Variants in DNAH9 observed in about 807,000 individuals in gnomAD.
DNAH9 encodes the protein DNAH9 variant protein.
DNAH9 carries 345 observed loss-of-function variants against 471.6 expected under a neutral mutation model. That is an observed-to-expected ratio of 0.73 (90% CI 0.67 to 0.80). The LOEUF (loss-of-function observed/expected upper bound fraction) is 0.80. Ranked by LOEUF, DNAH9 falls within the 30% of genes least tolerant of loss-of-function variation. The pLI, the probability that DNAH9 is intolerant of heterozygous loss-of-function variation, is 0.00. For missense variants in DNAH9, 5,407 were observed against 5,609.2 expected, an observed-to-expected ratio of 0.96 and a Z score of 1.15; for synonymous variants, 2,093 against 2,123.6, an observed-to-expected ratio of 0.99 and a Z score of 0.40.
intron 27 of DNAH9, among the ~76,000 whole-genome samples, chr17:11,726,940 C>T (rs1223832803): frequency 1.3e-5 from 2 of 149,150 alleles, no homozygotes; most frequent in African/African-American, 4.9e-5. Flanking sequence ...CGCAGCTACT[C>T]GGGAGGCTGA....
rs751529956 is a variant in DNAH9, at chr17:11,961,920, C to T, written c.12897C>T (p.Phe4299=). The change falls in exon 68 of 69, where the codon TTC becomes TTT. Residue 4299 remains phenylalanine, a synonymous_variant. Coordinates refer to ENST00000262442, the MANE Select transcript of DNAH9 (RefSeq NM_001372.4). ...AGAACTTACAGAATGCCCTGTACTT[C>T]GATATGGTGCCAGAGTCCTGGGCTA... ...HMENLQNALY[F]DMVPESWARR... is the part of the protein sequence containing the mutation. 6.2e-7 allele frequency: 1 copy of T among 1,613,992 alleles called. No homozygotes were observed. The highest frequency in any genetic ancestry group is 8.5e-7 in the Non-Finnish European group (1 of 1,179,978).
chr17:11,786,623 T>C (rs1968879132), intron 41 of DNAH9, among the ~76,000 whole-genome samples: 1 of 152,144 alleles, frequency 6.6e-6, no homozygotes. Flanking sequence ...GACAAATCAG[T>C]CTCTTGAGCG....
At chr17:11,621,281 G>A (rs577645228) in intron 6 of DNAH9, among the ~76,000 whole-genome samples, 8 of 151,810 alleles carry the variant, frequency 5.3e-5, no homozygotes, top group South Asian at 4.2e-4. Context: ...GGTGGCGGGC[G>A]CCTGTAGTCC....
chr17:11,718,223 T>C (rs1485303403), intron 26 of DNAH9, among the ~76,000 whole-genome samples: 1 of 152,260 alleles, frequency 6.6e-6, no homozygotes, highest in African/African-American at 2.4e-5. Flanking sequence ...CTTAGCATAA[T>C]GTTTTTGAGG....
At chr17:11,895,459 T>C (rs1047688116) in intron 59 of DNAH9, among the ~76,000 whole-genome samples, 1 of 152,246 alleles carries the variant, frequency 6.6e-6, no homozygotes, top group Non-Finnish European at 1.5e-5. Context: ...ATGATTGGCT[T>C]TCTTTCTCCT....
At chr17:11,718,992 C>T (rs1056918009) in intron 26 of DNAH9, among the ~76,000 whole-genome samples, 1 of 152,124 alleles carries the variant, frequency 6.6e-6, no homozygotes, top group Non-Finnish European at 1.5e-5. Flanking sequence ...CAGGGACAAG[C>T]TCAGTCCTAG....
intron 11 of DNAH9, among the ~76,000 whole-genome samples, chr17:11,645,467 G>A (rs775287754): frequency 1.3e-5 from 2 of 152,130 alleles, no homozygotes; most frequent in Non-Finnish European, 2.9e-5. Flanking sequence ...GCTGCCTCCA[G>A]ATCTGTTCCC....
chr17:11,703,410 T>C (rs1311657541), intron 24 of DNAH9, among the ~76,000 whole-genome samples: 1 of 152,186 alleles, frequency 6.6e-6, no homozygotes, highest in African/African-American at 2.4e-5. Flanking sequence ...TGTTTACCTG[T>C]ATCAGAATTT....
rs148198840 is a variant in DNAH9 at position 11,800,877 on chromosome 17, A to G, written c.8420+3084A>G. On this transcript the variant is annotated intron_variant, in intron 43 of 68. Coordinates refer to ENST00000262442, the MANE Select transcript of DNAH9 (RefSeq NM_001372.4). ...GTGTGGAACCTAGCAGGTGCTCAGT[A>G]AAACTGCTTAGCATGTTATATGAGA... is the stretch of plus-strand genomic sequence containing the variant. Among the ~76,000 whole-genome samples, 3 of 152,308 alleles carry G rather than the reference A, an allele frequency of 2.0e-5. No individual in the cohort carries two copies. The East Asian group carries it at 5.8e-4, about 29-fold the overall frequency.
rs1974559574 is a variant in DNAH9 at position 11,932,679 on chromosome 17, C to T, written c.12297+474C>T. 6.6e-6 allele frequency among the ~76,000 whole-genome samples: 1 copy of T among 152,166 alleles called. No homozygotes were observed. On this transcript the variant is annotated intron_variant, in intron 64 of 68. Coordinates refer to ENST00000262442, the MANE Select transcript of DNAH9 (RefSeq NM_001372.4). The surrounding 1 kb of genome is among the most constrained non-coding windows in gnomAD (Gnocchi z 4.3). ...GAGGCAGTGCCAACCCCAGGACTAA[C>T]CCAAAGGCTGAGAATAGTACAACTG... is the stretch of plus-strand genomic sequence containing the variant.
intron 53 of DNAH9, among the ~76,000 whole-genome samples, chr17:11,876,006 T>C (rs527378627): frequency 1.3e-5 from 2 of 152,128 alleles, no homozygotes; most frequent in Admixed American, 6.5e-5. Flanking sequence ...TCCACACAGT[T>C]AATAAGGTTA....
At position 11,762,992 on chromosome 17, in the gene DNAH9, A is replaced by G. The variant is rs530053691; in HGVS notation, c.6996-448A>G. Among the ~76,000 whole-genome samples, 12 of 151,546 alleles carry G rather than the reference A, an allele frequency of 7.9e-5. No homozygotes were observed. The East Asian group carries it at 1.9e-3, about 25-fold the overall frequency. On this transcript the variant is annotated intron_variant, in intron 35 of 68. Transcript: ENST00000262442. The stretch of plus-strand genomic sequence containing the variant: ...GACGGGGTTTCACCATGTTAGCCAG[A>G]ATGGTCTCGATCTCCTGACCTCGTG...
intron 8 of DNAH9, among the ~76,000 whole-genome samples, chr17:11,633,239 T>G (rs2073101706): frequency 6.6e-6 from 1 of 152,178 alleles, no homozygotes; most frequent in South Asian, 2.1e-4. Context: ...TCGTGAGACA[T>G]GAAGACTCAG....
At chr17:11,950,392 A>C (rs1320388012) in intron 67 of DNAH9, among the ~76,000 whole-genome samples, 1 of 152,182 alleles carries the variant, frequency 6.6e-6, no homozygotes. Context: ...GATATATTTT[A>C]AACTTTTTTG....
At position 11,866,659 on chromosome 17, in the gene DNAH9, G is replaced by A. The variant is rs528147809; in HGVS notation, c.9934-2475G>A. Among the ~76,000 whole-genome samples the A allele has an allele frequency of 2.8e-3, 432 of 152,362 alleles. 11 individuals are homozygous for A. The highest frequency in any genetic ancestry group is 0.022 in the Admixed American group (341 of 15,306). ...AGAGGCAGGCAGGCCTCCTTGAGCT[G>A]TGGTGGGCTCCACCCAGTTGGAGCT... On this transcript the variant is annotated intron_variant, in intron 50 of 68. Transcript: ENST00000262442.
At chr17:11,640,124 C>T in intron 9 of DNAH9, 146 bp from the exon 10 acceptor site, 1 of 622,740 alleles carries the variant, frequency 1.6e-6, no homozygotes, top group Non-Finnish European at 2.8e-6. Context: ...TTTAACAGAA[C>T]CCCCCAGGAA....
At chr17:11,675,966 A>C (rs1462288644) in intron 17 of DNAH9, among the ~76,000 whole-genome samples, 1 of 150,916 alleles carries the variant, frequency 6.6e-6, no homozygotes, top group African/African-American at 2.4e-5. Flanking sequence ...AATTCTTCTT[A>C]TTTTTTCTCC....
chr17:11,839,483 T>C (rs1481251849), intron 49 of DNAH9, among the ~76,000 whole-genome samples: 2 of 150,102 alleles, frequency 1.3e-5, no homozygotes, highest in African/African-American at 4.9e-5. Context: ...GCCACTGCAC[T>C]CCAGCCTGGG....
chr17:11,686,039 C>T (rs1597477330), intron 19 of DNAH9, among the ~76,000 whole-genome samples: 2 of 152,054 alleles, frequency 1.3e-5, no homozygotes, highest in South Asian at 2.1e-4. Context: ...TTCCTGACCT[C>T]ATGATCCACC....
Sources: gnomAD v4.1 joint callset for allele counts (sites outside exome capture counted in the v4.1 genomes callset) on GRCh38, gnomAD v4.1.1 for gene constraint, Gnocchi (gnomAD v3.1) non-coding constraint, MANE v1.5 for transcripts, NCBI Gene and HGNC (gene_info 2026-07-23, HGNC 2026-07-21) for gene names.